The following CTNNA3 variants were observed in gnomAD, a reference collection of about 807,000 sequenced individuals.
CTNNA3 encodes catenin alpha-3.
A neutral mutation model predicts 95.7 loss-of-function variants in CTNNA3; 76 were observed. The observed-to-expected ratio is 0.79, with a 90% CI of 0.66 to 0.96. The LOEUF (loss-of-function observed/expected upper bound fraction) is 0.96, where lower values mean the gene tolerates loss of function less well. Ranked by LOEUF, CTNNA3 falls within the 40% of genes least tolerant of loss-of-function variation. The pLI is 0.00. For missense variants in CTNNA3, 1,191 were observed against 1,089.8 expected (o/e 1.09, Z -1.31); for synonymous variants, 431 against 374.4 (o/e 1.15, Z -1.74).
chr10:66,468,050 C>T (rs549427092), intron 11 of CTNNA3, among the ~76,000 whole-genome samples: 16 of 152,062 alleles, frequency 1.1e-4, no homozygotes, highest in Admixed American at 4.6e-4. Context: ...CAAGCATTTA[C>T]TAAACGTATA....
chr10:67,424,456 T>C (rs1350639967), intron 5 of CTNNA3, among the ~76,000 whole-genome samples: 3 of 152,112 alleles, frequency 2.0e-5, no homozygotes, highest in Non-Finnish European at 4.4e-5. Context: ...AATAAAAATT[T>C]CAATAGAAAA....
At chr10:67,179,510 A>C (rs968215518) in intron 7 of CTNNA3, among the ~76,000 whole-genome samples, 1 of 151,538 alleles carries the variant, frequency 6.6e-6, no homozygotes, top group South Asian at 2.1e-4. Context: ...AAAAAAAAAA[A>C]AAAACTAGAC....
In CTNNA3 at chr10:66,298,432, T is replaced by TTA. The variant is rs199904326; in HGVS notation, c.1733-17813_1733-17812dup. Reference sequence around the variant, plus strand: ...TGTACCCAATACATTGTAATGTGCATTATATATATATGTAATATATACCAT... The same window carrying TTA: ...TGTACCCAATACATTGTAATGTGCATTATATATATATATGTAATATATACCAT... On this transcript the variant is annotated intron_variant, in intron 12 of 17. Transcript: ENST00000433211. Among the ~76,000 whole-genome samples the TTA allele has an allele frequency of 8.9e-4, 136 of 152,202 alleles. 3 individuals carry two copies. In the East Asian group the frequency reaches 0.018, roughly 21 times the overall value.
intron 7 of CTNNA3, among the ~76,000 whole-genome samples, chr10:67,134,333 A>G (rs1029890410): frequency 3.9e-5 from 6 of 152,180 alleles, no homozygotes; most frequent in Non-Finnish European, 5.9e-5. Context: ...AGTGATAACG[A>G]GACTGATAAA....
chr10:66,395,844 T>G (rs2132543641), intron 11 of CTNNA3, among the ~76,000 whole-genome samples: 1 of 152,148 alleles, frequency 6.6e-6, no homozygotes, highest in Admixed American at 6.6e-5. Context: ...TGCAGGTTTG[T>G]GTAATGGTGA....
Position 66,955,274 on chromosome 10 carries a change from AG to A in CTNNA3, c.1048-179751del, listed in dbSNP as rs373543767. Among the ~76,000 whole-genome samples, 634 of 152,276 alleles carry A rather than the reference AG, an allele frequency of 4.2e-3. 3 individuals carry two copies. Among genetic ancestry groups the A allele is most frequent in the African/African-American group, 0.014 (596 of 41,574 alleles). On this transcript the variant is annotated intron_variant, in intron 7 of 17. Transcript: ENST00000433211. ...TCATCAATAGAGAATAGGAAGAAAA[AG>A]ATAACGATTATTTTGTGGTATCATT...
At chr10:67,706,546 A>G (rs950393076) in intron 1 of CTNNA3, among the ~76,000 whole-genome samples, 13 of 151,978 alleles carry the variant, frequency 8.6e-5, no homozygotes, top group African/African-American at 2.9e-4. Context: ...AGAAGTGATG[A>G]AAAAAAACTC....
chr10:66,674,139 T>G (rs539751972), intron 9 of CTNNA3, among the ~76,000 whole-genome samples: 2 of 152,172 alleles, frequency 1.3e-5, no homozygotes, highest in African/African-American at 4.8e-5. Flanking sequence ...TGGGTGTTAG[T>G]GCCAAGATTC....
intron 12 of CTNNA3, among the ~76,000 whole-genome samples, chr10:66,332,359 T>C (rs551210084): frequency 6.6e-5 from 10 of 150,958 alleles, no homozygotes; most frequent in African/African-American, 2.2e-4. Flanking sequence ...TTTTGCCCAT[T>C]GAGTATGATA....
chr10:66,523,415 G>T, intron 10 of CTNNA3, among the ~76,000 whole-genome samples: 1 of 152,056 alleles, frequency 6.6e-6, no homozygotes, highest in East Asian at 1.9e-4. Flanking sequence ...CTTGACTCTT[G>T]TGATATTTAG....
intron 5 of CTNNA3, among the ~76,000 whole-genome samples, chr10:67,488,551 A>G (rs1290053922): frequency 6.6e-6 from 1 of 151,580 alleles, no homozygotes; most frequent in Admixed American, 6.6e-5. Context: ...TTGTATTTTT[A>G]GTAGAGATGG....
chr10:66,801,911 C>T (rs2132235631), intron 7 of CTNNA3, among the ~76,000 whole-genome samples: 1 of 151,244 alleles, frequency 6.6e-6, no homozygotes, highest in African/African-American at 2.4e-5. Flanking sequence ...ATAAGTACAT[C>T]AATGAAAGAG....
intron 11 of CTNNA3, among the ~76,000 whole-genome samples, chr10:66,380,949 T>C (rs1217616224): frequency 6.6e-6 from 1 of 151,834 alleles, no homozygotes; most frequent in Non-Finnish European, 1.5e-5. Flanking sequence ...CACACAATAA[T>C]AATGGGAGAC....
chr10:67,461,389 C>G (rs912563775), intron 5 of CTNNA3, among the ~76,000 whole-genome samples: 1 of 152,058 alleles, frequency 6.6e-6, no homozygotes, highest in Non-Finnish European at 1.5e-5. Flanking sequence ...CAGCAATGTG[C>G]CCCAAAATCC....
At chr10:67,726,095 A>C (rs1222508868) in intron 1 of CTNNA3, among the ~76,000 whole-genome samples, 1 of 119,652 alleles carries the variant, frequency 8.4e-6, no homozygotes, top group African/African-American at 3.3e-5. Flanking sequence ...ATTATAATAT[A>C]TAATTATATA....
chr10:66,977,434 CA>C (rs11368044), intron 7 of CTNNA3, among the ~76,000 whole-genome samples: 101,193 of 145,058 alleles, frequency 0.7, 35,156 homozygotes, highest in East Asian at 0.96. Flanking sequence ...AACTCTGTCT[CA>C]AAAAAAAAAA....
intron 15 of CTNNA3, among the ~76,000 whole-genome samples, chr10:65,989,000 G>T (rs1240028959): frequency 6.6e-6 from 1 of 152,116 alleles, no homozygotes; most frequent in Non-Finnish European, 1.5e-5. Context: ...GAGTGCAGTG[G>T]TGCAGTCTCG....
chr10:67,154,146 CATATT>C (rs1215622103), intron 7 of CTNNA3, among the ~76,000 whole-genome samples: 2 of 151,974 alleles, frequency 1.3e-5, no homozygotes, highest in African/African-American at 4.8e-5. Flanking sequence ...CAAGCCTATA[CATATT>C]ATAAGTTAAT....
chr10:65,972,347 C>G (rs1299203726), intron 16 of CTNNA3, among the ~76,000 whole-genome samples: 1 of 151,948 alleles, frequency 6.6e-6, no homozygotes, highest in Non-Finnish European at 1.5e-5. Context: ...AGCAATCAGG[C>G]AAAATAAATA....
Sources: gnomAD v4.1 joint callset for allele counts (sites outside exome capture counted in the v4.1 genomes callset) on GRCh38, gnomAD v4.1.1 for gene constraint, MANE v1.5 for transcripts, NCBI Gene and HGNC (gene_info 2026-07-23, HGNC 2026-07-21) for gene names.